The following PEDS1 variants were observed in gnomAD, a reference collection of about 807,000 sequenced individuals.
PEDS1 encodes CarF homolog.
PEDS1 carries 14 observed loss-of-function variants against 35.2 expected under a neutral mutation model. That is an observed-to-expected ratio of 0.40 (90% confidence interval 0.26 to 0.62). The LOEUF (loss-of-function observed/expected upper bound fraction) is 0.62, where lower values mean the gene tolerates loss of function less well. Ranked by LOEUF, PEDS1 falls within the 20% of genes least tolerant of loss-of-function variation. The pLI, the probability that PEDS1 is intolerant of heterozygous loss-of-function variation, is 0.44. For synonymous variants in PEDS1, 152 were observed against 152.0 expected (o/e 1.00, Z 0.00); for missense variants, 260 against 367.8 (o/e 0.71, Z 2.40).
At chr20:50,149,096 G>C (rs972004185) in intron 1 of PEDS1, among the ~76,000 whole-genome samples, 1 of 152,102 alleles carries the variant, frequency 6.6e-6, no homozygotes, top group East Asian at 1.9e-4. Flanking sequence ...CTAGGTAACA[G>C]AGCAAAACCT....
At chr20:50,138,135 T>C (rs546762273) in intron 2 of PEDS1, among the ~76,000 whole-genome samples, 13 of 152,346 alleles carry the variant, frequency 8.5e-5, no homozygotes, top group African/African-American at 2.9e-4. Context: ...CTCTCTGTAC[T>C]ATCTGCCCCA....
At chr20:50,135,420 A>G (rs1273550841) in intron 2 of PEDS1, among the ~76,000 whole-genome samples, 1 of 152,042 alleles carries the variant, frequency 6.6e-6, no homozygotes, top group African/African-American at 2.4e-5. Flanking sequence ...GCACTCTGGG[A>G]GGCCGAGGCA....
Position 50,130,841 on chromosome 20 carries a change from G to C in PEDS1, c.333+15C>G, listed in dbSNP as rs746879567. The stretch of plus-strand genomic sequence containing the variant: ...AACCTCCTTCTTGAGGACATGGTTA[G>C]GTCAACATACTCACCTTCCCCACAA... On this transcript the variant is annotated intron_variant, in intron 3 of 5. Coordinates refer to ENST00000371652, the MANE Select transcript of PEDS1 (RefSeq NM_199129.4). The C allele has an allele frequency of 1.6e-5, 26 of 1,613,726 alleles. No individual in the cohort carries two copies. Among genetic ancestry groups the C allele is most frequent in the Admixed American group, 6.7e-5 (4 of 60,014 alleles).
rs232733 is a variant in PEDS1, at chr20:50,153,622, T to C, written c.16A>G (p.Asn6Asp). The C allele has an allele frequency of 1, 1,309,484 of 1,309,492 alleles. 654,738 individuals carry two copies. The highest frequency in any genetic ancestry group is 1 in the Middle Eastern group (3,962 of 3,962). The allele number at this position is 1,309,492 out of a possible 1,614,324, so 81.1% of individuals were successfully genotyped here. ...AGCTCCAGCTGCTGGCCCGGCCAGT[T>C]CTCGGCGCCCGCCATGGCCACTCGC... is the stretch of plus-strand genomic sequence containing the variant. MAGAENWPGQQLELDE... is the reference protein window; with the variant it reads MAGAEDWPGQQLELDE... Residue 6 changes from asparagine (N) to aspartate (D), a missense_variant, in exon 1 of 6, where the codon AAC becomes GAC. Asn to Asp is a conservative substitution (Grantham distance 23). Transcript: ENST00000371652.
chr20:50,142,688 C>CCA (rs1555884387), intron 2 of PEDS1, among the ~76,000 whole-genome samples: 1 of 90,738 alleles, frequency 1.1e-5, no homozygotes, highest in Admixed American at 9.4e-5. Flanking sequence ...ATCCGCCCCC[C>CCA]CCCCCCCGCC....
chr20:50,147,970 C>T (rs1052904626), intron 1 of PEDS1, among the ~76,000 whole-genome samples: 1 of 152,118 alleles, frequency 6.6e-6, no homozygotes. Context: ...CACCTGTAAT[C>T]TCCTAGCTAC....
chr20:50,127,893 T>A, intron 5 of PEDS1, 82 bp downstream of exon 5: 1 of 1,536,860 alleles, frequency 6.5e-7, no homozygotes, highest in Non-Finnish European at 8.8e-7. Flanking sequence ...GACCTCCTGC[T>A]GTGATCTCTG....
intron 2 of PEDS1, among the ~76,000 whole-genome samples, chr20:50,133,093 T>C (rs2081196426): frequency 2.0e-5 from 3 of 152,108 alleles, no homozygotes; most frequent in African/African-American, 7.2e-5. Flanking sequence ...ACCAGGGTCT[T>C]GGGGGTACTG....
chr20:50,141,036 T>C (rs550188081), intron 2 of PEDS1, among the ~76,000 whole-genome samples: 155 of 152,144 alleles, frequency 1.0e-3, no homozygotes, highest in African/African-American at 3.6e-3. Context: ...GGAAGGGAGA[T>C]AGTGACCTAC....
intron 1 of PEDS1, among the ~76,000 whole-genome samples, chr20:50,146,287 C>A (rs2081344453): frequency 6.6e-6 from 1 of 152,164 alleles, no homozygotes; most frequent in Non-Finnish European, 1.5e-5. Flanking sequence ...ATCCATGATG[C>A]CTCCTCTGAC....
intron 2 of PEDS1, among the ~76,000 whole-genome samples, chr20:50,140,108 A>T (rs181792304): frequency 1.1e-4 from 16 of 152,308 alleles, no homozygotes; most frequent in Non-Finnish European, 1.9e-4. Flanking sequence ...ATCTCTCAAG[A>T]GAGAAACCTT....
rs2081083160 is a variant in PEDS1 at position 50,124,908 on chromosome 20, T to C, written c.*150A>G. The C allele has an allele frequency of 1.1e-6, 1 of 921,914 alleles. No individual in the cohort carries two copies. Among genetic ancestry groups the C allele is most frequent in the Non-Finnish European group, 1.6e-6 (1 of 616,116 alleles). 57.1% of individuals were successfully genotyped at this position (921,914 alleles called of 1,614,324 possible). ...AAAAATCAGTGGCTCAAGTATTCTG[T>C]GTCATGAGGGGTGGGCTGGGGTACC... On this transcript the variant is annotated 3_prime_UTR_variant, in exon 6 of 6. Transcript: ENST00000371652.
intron 2 of PEDS1, among the ~76,000 whole-genome samples, chr20:50,137,599 G>A (rs781119289): frequency 3.8e-4 from 58 of 152,146 alleles, no homozygotes; most frequent in African/African-American, 1.2e-3. Context: ...TCAGCCAGGC[G>A]CGGTGGCTCA....
chr20:50,135,550 C>A (rs771158315), intron 2 of PEDS1, among the ~76,000 whole-genome samples: 2 of 144,904 alleles, frequency 1.4e-5, no homozygotes, highest in African/African-American at 2.6e-5. Context: ...CCCAGTTACT[C>A]GGGAGGCTGA....
At chr20:50,146,394 C>T (rs1053417323) in intron 1 of PEDS1, among the ~76,000 whole-genome samples, 4 of 152,294 alleles carry the variant, frequency 2.6e-5, no homozygotes, top group South Asian at 2.1e-4. Context: ...GGCCCAGAAC[C>T]ATGTCTGGCT....
chr20:50,135,470 C>T (rs760990047), intron 2 of PEDS1, among the ~76,000 whole-genome samples: 3 of 151,860 alleles, frequency 2.0e-5, no homozygotes, highest in Non-Finnish European at 4.4e-5. Flanking sequence ...ACCAGCCTGA[C>T]CAACATGGAG....
chr20:50,138,158 T>C (rs2081255821), intron 2 of PEDS1, among the ~76,000 whole-genome samples: 2 of 152,182 alleles, frequency 1.3e-5, no homozygotes, highest in Non-Finnish European at 2.9e-5. Flanking sequence ...CTTCTGTAAG[T>C]TGAAAACTTG....
At position 50,128,085 on chromosome 20, in the gene PEDS1, C is replaced by T; in HGVS notation, c.581G>A (p.Gly194Glu). The T allele has an allele frequency of 6.2e-7, 1 of 1,614,132 alleles. No homozygotes were observed. Among genetic ancestry groups the T allele is most frequent in the Non-Finnish European group, 8.5e-7 (1 of 1,180,022 alleles). ...CAGGAGGGTGACCCAGCGTGGCAGC[C>T]CAAAGTACGTGTGCGACCACTTGTG... ...QIHKWSHTYF[G>E]LPRWVTLLQD... The change falls in exon 5 of 6, where the codon GGG becomes GAG. Residue 194 changes from glycine to glutamate, a missense_variant. Around this residue, in one of 4 missense-constraint regions of PEDS1, gnomAD observed 83 missense variants for 142.8 expected, o/e 0.58. Coordinates refer to ENST00000371652, the MANE Select transcript of PEDS1 (RefSeq NM_199129.4). This position sits in a 1 kb window ranked among gnomAD's most constrained non-coding sequence, Gnocchi z 5.2.
In PEDS1 at chr20:50,121,827, G is replaced by C. The variant is rs1034941758; in HGVS notation, c.*3231C>G. ...GGCTCCAGGGGAACTGACACAGATT[G>C]GTGGGGCCTGGAAACCAACACCACA... On this transcript the variant is annotated 3_prime_UTR_variant, in exon 6 of 6. Transcript: ENST00000371652. 1 of 152,202 alleles carries C rather than the reference G, an allele frequency of 6.6e-6. No individual in the cohort carries two copies. Among genetic ancestry groups the C allele is most frequent in the Non-Finnish European group, 1.5e-5 (1 of 68,102 alleles). The allele number at this position is 152,202 out of a possible 1,614,324, so 9.4% of individuals were successfully genotyped here. A position where few individuals can be genotyped will look rare whatever the true frequency, so the allele number is the denominator to read the frequency against.
Sources: gnomAD v4.1 joint callset for allele counts (sites outside exome capture counted in the v4.1 genomes callset) on GRCh38, gnomAD v4.1.1 for gene constraint, gnomAD v4.1.1 regional missense constraint, Gnocchi (gnomAD v3.1) non-coding constraint, MANE v1.5 for transcripts, NCBI Gene and HGNC (gene_info 2026-07-23, HGNC 2026-07-21) for gene names.